The following MCF2 variants were observed in gnomAD, a reference collection of about 807,000 sequenced individuals.
The protein encoded by MCF2 is MCF.2 cell line derived transforming sequence.
MCF2 carries 44 observed loss-of-function variants against 82.5 expected under a neutral mutation model. The observed-to-expected ratio is 0.53, with a 90% CI of 0.42 to 0.69. The LOEUF (loss-of-function observed/expected upper bound fraction) is 0.69, where lower values mean the gene tolerates loss of function less well. Ranked by LOEUF, MCF2 falls within the 30% of genes least tolerant of loss-of-function variation. The probability of loss-of-function intolerance (pLI) is 0.00; values close to 1 mark genes in which losing one functional copy is unlikely to be tolerated. For missense variants in MCF2, 623 were observed against 663.1 expected, an observed-to-expected ratio of 0.94 and a Z score of 0.66; for synonymous variants, 217 against 224.9, an observed-to-expected ratio of 0.96 and a Z score of 0.32.
intron 4 of MCF2, among the ~76,000 whole-genome samples, chrX:139,627,232 C>T (rs1444556902): frequency 8.9e-6 from 1 of 112,158 alleles, no homozygotes; most frequent in Admixed American, 9.5e-5. Context: ...GCACCTGGCA[C>T]TGTTCTGCTA....
intron 1 of MCF2, among the ~76,000 whole-genome samples, chrX:139,667,765 TG>T (rs749910510): frequency 2.6e-4 from 29 of 111,219 alleles, no homozygotes; most frequent in African/African-American, 9.1e-4. Context: ...CTGGAGAGGG[TG>T]GGGCTGTTGG....
intron 1 of MCF2, among the ~76,000 whole-genome samples, chrX:139,696,598 A>AT (rs962203942): frequency 4.2e-4 from 44 of 104,582 alleles, no homozygotes; most frequent in South Asian, 2.5e-3. Context: ...TAATTTTTCT[A>AT]TTTTTTTTTT....
chrX:139,623,658 C>T lies in MCF2; in HGVS notation c.687+2535G>A, dbSNP rs138515126. Reference sequence around the variant, plus strand: ...TACCTGAGTAACGGCATCATTCACACCTCAAATGTAACAGTATACCCATGT... The same window carrying T: ...TACCTGAGTAACGGCATCATTCACATCTCAAATGTAACAGTATACCCATGT... On this transcript the variant is annotated intron_variant, in intron 6 of 24. Transcript: ENST00000370576. 9.7e-3 allele frequency among the ~76,000 whole-genome samples: 678 copies of T among 70,179 alleles called. 10 individuals are homozygous for T. Among genetic ancestry groups the T allele is most frequent in the African/African-American group, 0.039 (634 of 16,239 alleles). The allele number at this position is 70,179 out of a possible 115,157, so 60.9% of individuals were successfully genotyped here. A position where few individuals can be genotyped will look rare whatever the true frequency, so the allele number is the denominator to read the frequency against.
At chrX:139,677,500 T>A (rs1354669349) in intron 1 of MCF2, among the ~76,000 whole-genome samples, 2 of 112,053 alleles carry the variant, frequency 1.8e-5, no homozygotes, top group African/African-American at 6.5e-5. Flanking sequence ...AGAATTGAGG[T>A]TGCTGCAGAC....
intron 1 of MCF2, among the ~76,000 whole-genome samples, chrX:139,699,394 A>G (rs1244037368): frequency 8.9e-6 from 1 of 112,189 alleles, no homozygotes; most frequent in African/African-American, 3.2e-5. Context: ...TTTAAAGTGT[A>G]CAATTCAATG....
chrX:139,665,541 T>G (rs961384183), intron 1 of MCF2, among the ~76,000 whole-genome samples: 1 of 111,340 alleles, frequency 9.0e-6, no homozygotes, highest in African/African-American at 3.3e-5. Context: ...ATGTGGCTAC[T>G]GCAGGGTAGT....
At chrX:139,691,486 CG>C (rs1009698067) in intron 1 of MCF2, among the ~76,000 whole-genome samples, 2 of 111,824 alleles carry the variant, frequency 1.8e-5, no homozygotes, top group African/African-American at 6.5e-5. Context: ...CCCACTTCTC[CG>C]GGGACGCACC....
chrX:139,645,479 T>C (rs1933769776), upstream of MCF2: 1 of 482,678 alleles, frequency 2.1e-6, no homozygotes, highest in African/African-American at 2.4e-5. Flanking sequence ...ATTGTCTCCG[T>C]CAGTACCAAA....
chrX:139,617,067 G>T (rs1247267186), intron 8 of MCF2, among the ~76,000 whole-genome samples: 1 of 111,138 alleles, frequency 9.0e-6, no homozygotes, highest in Non-Finnish European at 1.9e-5. Context: ...AAGCCATGGA[G>T]GAATATTTTC....
intron 7 of MCF2, among the ~76,000 whole-genome samples, chrX:139,618,543 T>C (rs1932100647): frequency 9.0e-6 from 1 of 111,496 alleles, no homozygotes; most frequent in Non-Finnish European, 1.9e-5. Context: ...AAGTCTCCCT[T>C]AGTTTCCAAA....
intron 7 of MCF2, among the ~76,000 whole-genome samples, chrX:139,619,276 C>T (rs1302265757): frequency 2.7e-5 from 3 of 110,309 alleles, no homozygotes; most frequent in African/African-American, 9.9e-5. Context: ...CTCTGGCCTG[C>T]ATTGAACAAA....
chrX:139,617,380 G>A, intron 8 of MCF2, 133 bp downstream of exon 11: 1 of 414,429 alleles, frequency 2.4e-6, no homozygotes. Flanking sequence ...AGCTATACCA[G>A]TCCCTGACCA....
chrX:139,583,558 G>A (rs1054772318), intron 24 of MCF2, among the ~76,000 whole-genome samples: 2 of 110,905 alleles, frequency 1.8e-5, no homozygotes, highest in Admixed American at 9.7e-5. Flanking sequence ...TTGGGTACAC[G>A]TGGACACAAA....
intron 16 of MCF2, among the ~76,000 whole-genome samples, chrX:139,599,492 A>C (rs180945026): frequency 1.8e-3 from 199 of 110,643 alleles, no homozygotes; most frequent in Non-Finnish European, 2.5e-3. Context: ...AAGTTGGTGG[A>C]GGAAAAAGCC....
chrX:139,701,291 G>C (rs765408906), intron 1 of MCF2, among the ~76,000 whole-genome samples: 10 of 111,887 alleles, frequency 8.9e-5, no homozygotes, highest in Admixed American at 1.9e-4. Context: ...TTTGAGGTAA[G>C]TCACTGTGAT....
rs1307857539 is a variant in MCF2, at chrX:139,691,941, C to A, written c.-45+16165G>T. On this transcript the variant is annotated intron_variant, in intron 1 of 27. Coordinates refer to the MCF2 transcript ENST00000414978. ...TGCCACGAAGACTGCTTGCAGGAGG[C>A]AGAGGTAGTTCTTCCCGTACTTCTC... 103 of 1,164,761 alleles carry A rather than the reference C, an allele frequency of 8.8e-5. 1 individual carries two copies. In the East Asian group the frequency reaches 3.4e-3, roughly 38 times the overall value.
intron 7 of MCF2, among the ~76,000 whole-genome samples, chrX:139,619,045 T>C (rs1854524882): frequency 9.0e-6 from 1 of 111,525 alleles, no homozygotes; most frequent in African/African-American, 3.2e-5. Context: ...TGAGTCTCCA[T>C]TTGGTTAAAC....
chrX:139,611,094 T>C (rs764026494), intron 10 of MCF2, among the ~76,000 whole-genome samples: 1 of 112,159 alleles, frequency 8.9e-6, no homozygotes, highest in African/African-American at 3.2e-5. Flanking sequence ...GCCGAAGGCA[T>C]GGTCCAACCA....
chrX:139,652,462 T>C lies in MCF2; in HGVS notation c.-44-674A>G, dbSNP rs1934058810. The stretch of plus-strand genomic sequence containing the variant: ...GAAATACCTGGCATAATGGTAAGTG[T>C]TCAATAAAAAGTAGCATATTAACTC... On this transcript the variant is annotated intron_variant, in intron 1 of 27. Transcript: ENST00000414978. Among the ~76,000 whole-genome samples, 3 of 111,484 alleles carry C rather than the reference T, an allele frequency of 2.7e-5. No individual in the cohort carries two copies. In the Admixed American group the frequency reaches 2.9e-4, roughly 11 times the overall value.
Sources: gnomAD v4.1 joint callset for allele counts (sites outside exome capture counted in the v4.1 genomes callset) on GRCh38, gnomAD v4.1.1 for gene constraint, MANE v1.5 for transcripts, NCBI Gene and HGNC (gene_info 2026-07-23, HGNC 2026-07-21) for gene names.